The following HES7 variants were observed in gnomAD, a reference collection of about 807,000 sequenced individuals.
HES7 encodes hes family bHLH transcription factor 7.
HES7 carries 8 observed loss-of-function variants against 18.0 expected under a neutral mutation model. That is an observed-to-expected ratio of 0.45 (90% CI 0.26 to 0.80). HES7 has a LOEUF of 0.80. Among genes scored for constraint, HES7 ranks in the 30% least tolerant of loss-of-function variants. HES7 has a pLI of 0.18. For synonymous variants in HES7, 170 were observed against 158.6 expected, an observed-to-expected ratio of 1.07 and a Z score of -0.54; for missense variants, 356 against 340.9, an observed-to-expected ratio of 1.04 and a Z score of -0.35.
chr17:8,124,330 G>T (rs966263467), upstream of HES7, among the ~76,000 whole-genome samples: 1 of 152,164 alleles, frequency 6.6e-6, no homozygotes, highest in East Asian at 1.9e-4. Context: ...CAGACCGTAA[G>T]GCTGTATAAG....
Position 8,121,952 on chromosome 17 carries a change from G to A in HES7, c.312C>T (p.Cys104=). 1 of 1,557,770 alleles carries A rather than the reference G, an allele frequency of 6.4e-7. No homozygotes were observed. ...GCGCGAAGGCCGCCAAGCGAAGCAG[G>A]CACTCGCGGAAACCGGACAAGTAGC... ...ASCYLSGFRE[C]LLRLAAFAHD... is the part of the protein sequence containing the mutation. The change falls in exon 4 of 4, where the codon TGC becomes TGT. Residue 104 remains cysteine, a synonymous_variant. Transcript: ENST00000541682.
chr17:8,124,824 G>A (rs571633632), upstream of HES7, among the ~76,000 whole-genome samples: 3 of 152,332 alleles, frequency 2.0e-5, no homozygotes, highest in African/African-American at 4.8e-5. Flanking sequence ...TCTCCTTAAG[G>A]ATGGCTGGAC....
Position 8,123,427 on chromosome 17 carries a change from T to C in HES7, c.43-301A>G. ...CGTCTCCGTCTGGTGCAGTTTCTCT[T>C]TGTCTCAGTGGAGAACTTTGGGGAC... On this transcript the variant is annotated intron_variant, in intron 1 of 3. Transcript: ENST00000541682. The surrounding 1 kb of genome is among the most constrained non-coding windows in gnomAD (Gnocchi z 5.9). The C allele has an allele frequency of 2.0e-6, 1 of 496,822 alleles. No homozygotes were observed. The highest frequency in any genetic ancestry group is 3.7e-6 in the Non-Finnish European group (1 of 272,442). 30.8% of individuals were successfully genotyped at this position (496,822 alleles called of 1,614,324 possible).
In HES7 at chr17:8,121,697, G is replaced by GGC; in HGVS notation, c.565_566dup (p.Gly190ProfsTer185). 1 of 1,329,344 alleles carries GGC rather than the reference G, an allele frequency of 7.5e-7. No homozygotes were observed. Among genetic ancestry groups the GGC allele is most frequent in the Non-Finnish European group, 9.6e-7 (1 of 1,046,230 alleles). 82.3% of individuals were successfully genotyped at this position (1,329,344 alleles called of 1,614,324 possible). ...GGGGCGCCGGCGCGCCAGAATCCCC[G>GGC]GCGCGCGGGGAGCAGAGGGATGGGG... On this transcript the variant is annotated frameshift_variant, in exon 4 of 4. Transcript: ENST00000541682. LOFTEE classifies it high-confidence loss of function.
Position 8,122,537 on chromosome 17 carries a change from G to A in HES7, c.139-107C>T, listed in dbSNP as rs1981412980. The A allele has an allele frequency of 3.7e-6, 3 of 800,286 alleles. No individual in the cohort carries two copies. The highest frequency in any genetic ancestry group is 1.7e-5 in the African/African-American group (1 of 58,524). 49.6% of individuals were successfully genotyped at this position (800,286 alleles called of 1,614,324 possible). Reference sequence around the variant, plus strand: ...GGATGCGGGAGCTGGTGGTGCCCCCGATCGCATTTGCGCACTGCCCACAGA... The same window carrying A: ...GGATGCGGGAGCTGGTGGTGCCCCCAATCGCATTTGCGCACTGCCCACAGA... On this transcript the variant is annotated intron_variant, in intron 2 of 3. Transcript: ENST00000541682. The surrounding 1 kb of genome is among the most constrained non-coding windows in gnomAD (Gnocchi z 6.9).
At position 8,121,753 on chromosome 17, in the gene HES7, G is replaced by T. The variant is rs966584084; in HGVS notation, c.511C>A (p.Gln171Lys). The T allele has an allele frequency of 8.1e-6, 12 of 1,486,880 alleles. No homozygotes were observed. Among genetic ancestry groups the T allele is most frequent in the African/African-American group, 2.9e-5 (2 of 68,522 alleles). 92.1% of individuals were successfully genotyped at this position (1,486,880 alleles called of 1,614,324 possible). Residue 171 changes from glutamine (Q) to lysine (K), a missense_variant, in exon 4 of 4, where the codon CAG becomes AAG. Coordinates refer to ENST00000541682, the MANE Select transcript of HES7 (RefSeq NM_001165967.2). ...GCGCAGCGCGGGCTAGGGTGGCCCTGGTGCACTGGGGGGCGCTGGTGCAGC... is the reference window on the plus strand; with the variant it reads ...GCGCAGCGCGGGCTAGGGTGGCCCTTGTGCACTGGGGGGCGCTGGTGCAGC... The part of the protein sequence containing the change: ...PALHQRPPVH[Q>K]GHPSPRCAWS...
Position 8,123,503 on chromosome 17 carries a change from G to GC in HES7, c.43-378dup, listed in dbSNP as rs1981470808. ...CACGGTGCCGGGCTCAGACCTGGCG[G>GC]CCCTGAGTATAGAAAGGGAGATACC... On this transcript the variant is annotated intron_variant, in intron 1 of 3. Transcript: ENST00000541682. The surrounding 1 kb of genome is among the most constrained non-coding windows in gnomAD (Gnocchi z 5.9). 6 of 350,816 alleles carry GC rather than the reference G, an allele frequency of 1.7e-5. No individual in the cohort carries two copies. In the South Asian group the frequency reaches 1.9e-4, roughly 11 times the overall value. The allele number at this position is 350,816 out of a possible 1,614,324, so 21.7% of individuals were successfully genotyped here. A position where few individuals can be genotyped will look rare whatever the true frequency, so the allele number is the denominator to read the frequency against.
chr17:8,122,079 C>A lies in HES7; in HGVS notation c.227-42G>T. The A allele has an allele frequency of 6.9e-7, 1 of 1,452,426 alleles. No individual in the cohort carries two copies. The highest frequency in any genetic ancestry group is 9.0e-7 in the Non-Finnish European group (1 of 1,106,118). The allele number at this position is 1,452,426 out of a possible 1,614,324, so 90.0% of individuals were successfully genotyped here. On this transcript the variant is annotated intron_variant, in intron 3 of 3. Transcript: ENST00000541682. This position sits in a 1 kb window ranked among gnomAD's most constrained non-coding sequence, Gnocchi z 6.9. ...GAGCACAGGTGGGCAGGGCAGGGGCCCGGCAGGGGTGAGGGAAGGGGCGGG... is the reference window on the plus strand; with the variant it reads ...GAGCACAGGTGGGCAGGGCAGGGGCACGGCAGGGGTGAGGGAAGGGGCGGG...
rs1981289751 is a variant in HES7 at position 8,121,052 on chromosome 17, A to G, written c.*519T>C. 1 of 148,982 alleles carries G rather than the reference A, an allele frequency of 6.7e-6. No homozygotes were observed. The highest frequency in any genetic ancestry group is 1.5e-5 in the Non-Finnish European group (1 of 67,234). 9.2% of individuals were successfully genotyped at this position (148,982 alleles called of 1,614,324 possible). On this transcript the variant is annotated 3_prime_UTR_variant, in exon 4 of 4. Coordinates refer to ENST00000541682, the MANE Select transcript of HES7 (RefSeq NM_001165967.2). ...TTTCCTTTTTATCCGTTTTTTTCTT[A>G]AAGGCCCCCATCCCTTCTCCCCCTA... is the stretch of plus-strand genomic sequence containing the variant.
chr17:8,125,064 T>G (rs1351334445), upstream of HES7, among the ~76,000 whole-genome samples: 1 of 150,772 alleles, frequency 6.6e-6, no homozygotes, highest in East Asian at 1.9e-4. Context: ...AAGCAAGGGG[T>G]ACAAAAAAGG....
rs930983491 is a variant in HES7 at position 8,123,186 on chromosome 17, C to T, written c.43-60G>A. The T allele has an allele frequency of 3.6e-6, 5 of 1,378,734 alleles. No individual in the cohort carries two copies. The highest frequency in any genetic ancestry group is 4.0e-6 in the Non-Finnish European group (4 of 995,846). The allele number at this position is 1,378,734 out of a possible 1,614,324, so 85.4% of individuals were successfully genotyped here. On this transcript the variant is annotated intron_variant, in intron 1 of 3. Transcript: ENST00000541682. This position sits in a 1 kb window ranked among gnomAD's most constrained non-coding sequence, Gnocchi z 5.9. ...AGACCGAGACTCAGTGCGGCCGCCC[C>T]GGCGTCGGATCCCGCCGCTGGGAGA...
Position 8,122,806 on chromosome 17 carries a change from C to A in HES7, c.138+225G>T, listed in dbSNP as rs149527268. ...GGGTGAAACTGACCGACCCCGGGAG[C>A]GAAATTTACAGAACCAGGCGTGAAA... On this transcript the variant is annotated intron_variant, in intron 2 of 3. Transcript: ENST00000541682. The surrounding 1 kb of genome is among the most constrained non-coding windows in gnomAD (Gnocchi z 6.9). 6.6e-6 allele frequency among the ~76,000 whole-genome samples: 1 copy of A among 152,056 alleles called. No individual in the cohort carries two copies. The highest frequency in any genetic ancestry group is 6.5e-5 in the Admixed American group (1 of 15,272).
chr17:8,121,874 A>G lies in HES7; in HGVS notation c.390T>C (p.Tyr130=), dbSNP rs1403771086. The G allele has an allele frequency of 6.4e-7, 1 of 1,571,724 alleles. No individual in the cohort carries two copies. The highest frequency in any genetic ancestry group is 1.4e-5 in the African/African-American group (1 of 71,002). ...RAQLFSALHG[Y]LRPKPPRPKP... ...TGGGCCGGGGCGGTTTGGGGCGCAG[A>G]TAGCCGTGCAGCGCGGAGAAGAGCT... Residue 130 remains tyrosine, a synonymous_variant, in exon 4 of 4, where the codon TAT becomes TAC. Coordinates refer to ENST00000541682, the MANE Select transcript of HES7 (RefSeq NM_001165967.2).
At position 8,121,821 on chromosome 17, in the gene HES7, G is replaced by A. The variant is rs1213937470; in HGVS notation, c.443C>T (p.Pro148Leu). The change falls in exon 4 of 4, where the codon CCG (proline) becomes CTG (leucine). Residue 148 changes from proline (P) to leucine (L), a missense_variant. By Grantham distance (98) the Pro-to-Leu change is moderately conservative (BLOSUM62 -3). Transcript: ENST00000541682. ...PKPVDPRPPA[P>L]RPSLDPAAPA... ...TGCGGCGGGGTCCAGGGATGGGCGC[G>A]GCGCTGGAGGCCTCGGATCTACCGG... The A allele has an allele frequency of 1.3e-6, 2 of 1,566,858 alleles. No individual in the cohort carries two copies. Among genetic ancestry groups the A allele is most frequent in the Admixed American group, 1.8e-5 (1 of 57,040 alleles).
chr17:8,124,199 G>A, upstream of HES7: 2 of 1,270,450 alleles, frequency 1.6e-6, no homozygotes, highest in Non-Finnish European at 2.3e-6. Flanking sequence ...TCCAGATTCT[G>A]CCCCTCTAGG....
chr17:8,121,760 T>C lies in HES7; in HGVS notation c.504A>G (p.Pro168=), dbSNP rs1568014012. The C allele has an allele frequency of 1.5e-5, 23 of 1,501,500 alleles. No homozygotes were observed. Among genetic ancestry groups the C allele is most frequent in the Non-Finnish European group, 2.0e-5 (23 of 1,138,302 alleles). The allele number at this position is 1,501,500 out of a possible 1,614,324, so 93.0% of individuals were successfully genotyped here. ...GCGGGCTAGGGTGGCCCTGGTGCAC[T>C]GGGGGGCGCTGGTGCAGCGCAGGGC... ...ALGPALHQRP[P]VHQGHPSPRC... The change falls in exon 4 of 4, where the codon CCA becomes CCG. Residue 168 remains proline (P), a synonymous_variant. Transcript: ENST00000541682.
Position 8,121,018 on chromosome 17 carries a change from A to C in HES7, c.*553T>G. On this transcript the variant is annotated 3_prime_UTR_variant, in exon 4 of 4. Transcript: ENST00000541682. ...TTCGAATCCCACCAGAGTCGATTTT[A>C]TTTCAATTTTTCCTTTTTATCCGTT... 6.7e-6 allele frequency: 1 copy of C among 149,122 alleles called. No homozygotes were observed. The highest frequency in any genetic ancestry group is 1.5e-5 in the Non-Finnish European group (1 of 67,208). 9.2% of individuals were successfully genotyped at this position (149,122 alleles called of 1,614,324 possible).
At position 8,122,030 on chromosome 17, in the gene HES7, C is replaced by A. The variant is rs1407969021; in HGVS notation, c.234G>T (p.Ala78=). 1 of 1,507,538 alleles carries A rather than the reference C, an allele frequency of 6.6e-7. No individual in the cohort carries two copies. The highest frequency in any genetic ancestry group is 8.8e-7 in the Non-Finnish European group (1 of 1,136,692). The allele number at this position is 1,507,538 out of a possible 1,614,324, so 93.4% of individuals were successfully genotyped here. A position where few individuals can be genotyped will look rare whatever the true frequency, so the allele number is the denominator to read the frequency against. The part of the protein sequence containing the change: ...ERSRVEPPAA[A]APGVPRSPVQ... ...CTGGGGACCGGGGAACCCCTGGAGCCGCGGCGGCTGGTGCGGCCGGCGGGA... is the reference window on the plus strand; with the variant it reads ...CTGGGGACCGGGGAACCCCTGGAGCAGCGGCGGCTGGTGCGGCCGGCGGGA... Residue 78 remains alanine (A), a synonymous_variant, in exon 4 of 4, where the codon GCG becomes GCT. Transcript: ENST00000541682. The surrounding 1 kb of genome is among the most constrained non-coding windows in gnomAD (Gnocchi z 6.9).
Position 8,121,483 on chromosome 17 carries a change from G to C in HES7, c.*88C>G, listed in dbSNP as rs1201932652. The C allele has an allele frequency of 8.4e-7, 1 of 1,186,650 alleles. No individual in the cohort carries two copies. The highest frequency in any genetic ancestry group is 4.2e-5 in the Admixed American group (1 of 23,736). The allele number at this position is 1,186,650 out of a possible 1,614,324, so 73.5% of individuals were successfully genotyped here. A position where few individuals can be genotyped will look rare whatever the true frequency, so the allele number is the denominator to read the frequency against. ...CGCCCCACTGCCCTCCCCAACACCT[G>C]CTCGCCCGGACGCCCGGGTCCCTCT... is the stretch of plus-strand genomic sequence containing the variant. On this transcript the variant is annotated 3_prime_UTR_variant, in exon 4 of 4. Transcript: ENST00000541682.
Sources: gnomAD v4.1 joint callset for allele counts (sites outside exome capture counted in the v4.1 genomes callset) on GRCh38, gnomAD v4.1.1 for gene constraint, Gnocchi (gnomAD v3.1) non-coding constraint, MANE v1.5 for transcripts, NCBI Gene and HGNC (gene_info 2026-07-23, HGNC 2026-07-21) for gene names.